MINDY3: variants seen among roughly 807,000 people sequenced by gnomAD.
The protein encoded by MINDY3 is ubiquitin carboxyl-terminal hydrolase MINDY-3.
Under a neutral mutation model 69.2 loss-of-function variants are expected in MINDY3, and 38 were observed. The observed-to-expected ratio is 0.55, with a 90% CI of 0.42 to 0.72. The LOEUF is 0.72. Among genes scored for constraint, MINDY3 ranks in the 30% least tolerant of loss-of-function variants. The pLI, the probability that MINDY3 is intolerant of heterozygous loss-of-function variation, is 0.00. For missense variants in MINDY3, 522 were observed against 519.0 expected (o/e 1.01, Z -0.06); for synonymous variants, 192 against 180.1 (o/e 1.07, Z -0.53).
chr10:15,840,341 T>C (rs1191258879), intron 4 of MINDY3, among the ~76,000 whole-genome samples: 3 of 151,626 alleles, frequency 2.0e-5, no homozygotes, highest in Admixed American at 6.6e-5. Context: ...AGGCCATATT[T>C]CAAAGGCTTC....
chr10:15,837,528 G>A (rs531167159), intron 5 of MINDY3: 2 of 1,445,896 alleles, frequency 1.4e-6, no homozygotes, highest in Admixed American at 4.2e-5. Flanking sequence ...TTATCATTAA[G>A]AAAGAACACC....
At chr10:15,837,181 A>G in intron 6 of MINDY3, 23 bp downstream of exon 6, 1 of 1,411,710 alleles carries the variant, frequency 7.1e-7, no homozygotes, top group Non-Finnish European at 9.8e-7. Context: ...TCAAAGGCAG[A>G]AAAATCATCT....
chr10:15,796,260 C>T, intron 10 of MINDY3, 88 bp from the exon 11 acceptor site: 1 of 996,232 alleles, frequency 1.0e-6, no homozygotes, highest in Non-Finnish European at 1.6e-6. Context: ...GACATAATGA[C>T]ATTGGAGTCA....
intron 11 of MINDY3, 42 bp from the exon 12 acceptor site, chr10:15,789,361 A>G (rs757047305): frequency 2.1e-5 from 31 of 1,482,728 alleles, no homozygotes; most frequent in Non-Finnish European, 2.8e-5. Context: ...ATAAGAATTT[A>G]CTTCAAGAAA....
At chr10:15,843,519 A>G (rs765912646) in intron 2 of MINDY3, among the ~76,000 whole-genome samples, 7 of 152,056 alleles carry the variant, frequency 4.6e-5, no homozygotes, top group Non-Finnish European at 8.8e-5. Flanking sequence ...ATATTTTCTG[A>G]CAAGTAGAAG....
chr10:15,779,205 A>T, intron 14 of MINDY3, 64 bp from the exon 15 acceptor site: 1 of 1,474,384 alleles, frequency 6.8e-7, no homozygotes, highest in Non-Finnish European at 9.2e-7. Flanking sequence ...ATGTGGAATG[A>T]AAACAATTTT....
chr10:15,831,466 A>C (rs961000001), intron 8 of MINDY3, among the ~76,000 whole-genome samples: 1 of 152,198 alleles, frequency 6.6e-6, no homozygotes, highest in African/African-American at 2.4e-5. Context: ...TTTCCAAGTT[A>C]GCTATTTCAA....
chr10:15,783,377 C>A (rs1304239522), intron 13 of MINDY3, among the ~76,000 whole-genome samples: 1 of 152,184 alleles, frequency 6.6e-6, no homozygotes, highest in South Asian at 2.1e-4. Flanking sequence ...CAACTACTCA[C>A]CTTTCTGAAT....
chr10:15,794,497 G>C (rs1837659457), intron 11 of MINDY3, among the ~76,000 whole-genome samples: 1 of 152,014 alleles, frequency 6.6e-6, no homozygotes, highest in South Asian at 2.1e-4. Flanking sequence ...TAAGCTATCT[G>C]AATAAGTTTT....
intron 1 of MINDY3, among the ~76,000 whole-genome samples, chr10:15,849,793 A>C (rs1291483684): frequency 6.6e-6 from 1 of 152,164 alleles, no homozygotes; most frequent in African/African-American, 2.4e-5. Context: ...AACATATTAA[A>C]ATAAAACAAA....
At chr10:15,854,474 T>TG (rs1039984268) in intron 1 of MINDY3, among the ~76,000 whole-genome samples, 50 of 152,228 alleles carry the variant, frequency 3.3e-4, no homozygotes, top group African/African-American at 1.0e-3. Flanking sequence ...TTTTTTGAGT[T>TG]GAAGTCCTCA....
chr10:15,851,661 T>C (rs1834309707), intron 1 of MINDY3, among the ~76,000 whole-genome samples: 1 of 152,038 alleles, frequency 6.6e-6, no homozygotes, highest in African/African-American at 2.4e-5. Flanking sequence ...GCTATAATCT[T>C]TGACCTTAAA....
intron 12 of MINDY3, among the ~76,000 whole-genome samples, chr10:15,787,457 A>T (rs115724133): frequency 1.3e-5 from 2 of 152,284 alleles, no homozygotes; most frequent in East Asian, 3.9e-4. Context: ...CACAACATGC[A>T]AAGTGTTGTG....
chr10:15,859,078 T>C (rs1834899416), intron 1 of MINDY3, among the ~76,000 whole-genome samples: 5 of 152,192 alleles, frequency 3.3e-5, no homozygotes, highest in Non-Finnish European at 5.9e-5. Flanking sequence ...TCATTTACCT[T>C]TACAACTAAT....
rs938212690 is a variant in MINDY3, at chr10:15,837,067, T to A, written c.576+137A>T. 8.9e-6 allele frequency: 5 copies of A among 562,324 alleles called. No homozygotes were observed. The Admixed American group carries it at 1.4e-4, about 16-fold the overall frequency. The allele number at this position is 562,324 out of a possible 1,614,324, so 34.8% of individuals were successfully genotyped here. ...GAGTGAGTGCTGAGGAAACAGAAAT[T>A]AACTCATTTTCAACGTAAAAGATTT... On this transcript the variant is annotated intron_variant, in intron 6 of 14. Coordinates refer to ENST00000277632, the MANE Select transcript of MINDY3 (RefSeq NM_024948.4).
At chr10:15,831,016 T>A (rs1471440718) in intron 8 of MINDY3, among the ~76,000 whole-genome samples, 1 of 152,124 alleles carries the variant, frequency 6.6e-6, no homozygotes, top group Non-Finnish European at 1.5e-5. Context: ...ATATAGTTCT[T>A]CTAAAACAGG....
intron 10 of MINDY3, among the ~76,000 whole-genome samples, chr10:15,801,524 T>A (rs543335246): frequency 2.0e-5 from 3 of 152,150 alleles, no homozygotes; most frequent in South Asian, 2.1e-4. Flanking sequence ...CAGAATCCCA[T>A]GAGCTCACCA....
At chr10:15,827,175 G>GAAAAAA (rs1564502039) in intron 8 of MINDY3, among the ~76,000 whole-genome samples, 4 of 23,668 alleles carry the variant, frequency 1.7e-4, no homozygotes, top group African/African-American at 1.4e-3. Flanking sequence ...TATAACAGGA[G>GAAAAAA]TAAAAAAAAA....
At chr10:15,821,950 A>T (rs1839797971) in intron 8 of MINDY3, among the ~76,000 whole-genome samples, 1 of 152,196 alleles carries the variant, frequency 6.6e-6, no homozygotes, top group Non-Finnish European at 1.5e-5. Flanking sequence ...CTTTAGATGT[A>T]TATTAAATGT....
Sources: allele counts gnomAD v4.1 joint callset (sites outside exome capture counted in the v4.1 genomes callset), GRCh38; gene constraint gnomAD v4.1.1; transcripts MANE v1.5; gene names NCBI Gene and HGNC (gene_info 2026-07-23, HGNC 2026-07-21).